Variants in NIPBL observed in about 807,000 individuals in gnomAD.
The protein encoded by NIPBL is NIPBL cohesin loading factor, also known as nipped-B-like protein.
A neutral mutation model predicts 321.8 loss-of-function variants in NIPBL; 19 were observed. That is an observed-to-expected ratio of 0.06 (90% CI 0.04 to 0.09). The LOEUF (loss-of-function observed/expected upper bound fraction) is 0.09, where lower values mean the gene tolerates loss of function less well. Among genes scored for constraint, NIPBL ranks in the 10% least tolerant of loss-of-function variants. The pLI, the probability that NIPBL is intolerant of heterozygous loss-of-function variation, is 1.00. For synonymous variants in NIPBL, 1,106 were observed against 1,114.1 expected (o/e 0.99, Z 0.14); for missense variants, 2,210 against 3,327.0 (o/e 0.66, Z 8.26).
chr5:37,046,541 T>C (rs1198457631), intron 38 of NIPBL, among the ~76,000 whole-genome samples: 2 of 152,248 alleles, frequency 1.3e-5, no homozygotes, highest in African/African-American at 2.4e-5. Flanking sequence ...AATTCTGTGC[T>C]CTTTGCATTT....
At chr5:36,934,369 C>G (rs1750001386) in intron 1 of NIPBL, among the ~76,000 whole-genome samples, 1 of 151,844 alleles carries the variant, frequency 6.6e-6, no homozygotes, top group African/African-American at 2.4e-5. Context: ...GCATCTAATA[C>G]AGAAATTCAT....
At position 36,954,532 on chromosome 5, in the gene NIPBL, A is replaced by G. The variant is rs1205280163; in HGVS notation, c.64+772A>G. ...AAGAAAACTTTTTGAAACTGGCATT[A>G]GTTTTTATTATCACTTTGTTGTAGG... is the stretch of plus-strand genomic sequence containing the variant. On this transcript the variant is annotated intron_variant, in intron 2 of 46. Coordinates refer to ENST00000282516, the MANE Select transcript of NIPBL (RefSeq NM_133433.4). 2.0e-5 allele frequency among the ~76,000 whole-genome samples: 3 copies of G among 152,160 alleles called. No individual in the cohort carries two copies. The East Asian group carries it at 5.8e-4, about 29-fold the overall frequency.
At chr5:36,995,573 TTTATC>T (rs764622193) in intron 10 of NIPBL, 44 bp from the exon 11 acceptor site, 1 of 1,417,250 alleles carries the variant, frequency 7.1e-7, no homozygotes, top group Admixed American at 1.8e-5. Flanking sequence ...AAATTTTCCT[TTTATC>T]TTCAGATTTA....
At chr5:36,994,718 T>G (rs1745935684) in intron 10 of NIPBL, among the ~76,000 whole-genome samples, 1 of 152,300 alleles carries the variant, frequency 6.6e-6, no homozygotes, top group East Asian at 1.9e-4. Flanking sequence ...ATTATCCGAA[T>G]AAGTAGCTTT....
At chr5:36,904,018 T>C (rs571691144) in intron 1 of NIPBL, among the ~76,000 whole-genome samples, 1 of 152,222 alleles carries the variant, frequency 6.6e-6, no homozygotes, top group Non-Finnish European at 1.5e-5. Flanking sequence ...TAAGCCAGAA[T>C]TATATGTGCT....
intron 5 of NIPBL, 27 bp from the exon 6 acceptor site, chr5:36,962,095 AT>A: frequency 1.2e-6 from 2 of 1,613,240 alleles, no homozygotes; most frequent in Non-Finnish European, 8.5e-7. Flanking sequence ...ATTTCCTTAT[AT>A]TTTTTTATTT....
chr5:37,020,780 A>G lies in NIPBL; in HGVS notation c.5231A>G (p.Asn1744Ser). The G allele has an allele frequency of 6.2e-7, 1 of 1,613,794 alleles. No homozygotes were observed. The highest frequency in any genetic ancestry group is 8.5e-7 in the Non-Finnish European group (1 of 1,179,726). Reference sequence around the variant, plus strand: ...TTAATGACTTTTTGTTGCAGGATGAACTCTGATACTGTGGACTATGATGAT... The same window carrying G: ...TTAATGACTTTTTGTTGCAGGATGAGCTCTGATACTGTGGACTATGATGAT... ...TPSQFSTLKM[N>S]SDTVDYDDAC... The change falls in exon 27 of 47, where the codon AAC becomes AGC. Residue 1744 changes from asparagine (N) to serine (S), a missense_variant. Physicochemically the swap from Asn to Ser is conservative, Grantham distance 46 (BLOSUM62 1). Around this residue, in one of 14 missense-constraint regions of NIPBL, gnomAD observed 138 missense variants for 175.8 expected, o/e 0.79. Coordinates refer to ENST00000282516, the MANE Select transcript of NIPBL (RefSeq NM_133433.4).
At chr5:36,934,977 GTT>G (rs1750050966) in intron 1 of NIPBL, among the ~76,000 whole-genome samples, 1 of 152,072 alleles carries the variant, frequency 6.6e-6, no homozygotes, top group Non-Finnish European at 1.5e-5. Context: ...TTGCAATACT[GTT>G]TCTCTTCTCT....
At chr5:36,952,018 CTGTGTGTGTGTGTG>C (rs60067315) in intron 1 of NIPBL, among the ~76,000 whole-genome samples, 4 of 101,936 alleles carry the variant, frequency 3.9e-5, no homozygotes, top group East Asian at 7.7e-4. Context: ...CTCTGTTAAA[CTGTGTGTGTGTGTG>C]TGTGTGTGTG....
At chr5:36,890,647 A>G (rs1746254292) in intron 1 of NIPBL, among the ~76,000 whole-genome samples, 1 of 152,244 alleles carries the variant, frequency 6.6e-6, no homozygotes, top group South Asian at 2.1e-4. Flanking sequence ...GCCAAGTGGC[A>G]TTTAGGCCAA....
intron 44 of NIPBL, 99 bp downstream of exon 44, chr5:37,059,264 T>C: frequency 7.4e-7 from 1 of 1,355,098 alleles, no homozygotes; most frequent in Non-Finnish European, 1.0e-6. Flanking sequence ...CCCAACATTT[T>C]GGGAGGCTGA....
intron 24 of NIPBL, among the ~76,000 whole-genome samples, chr5:37,018,307 T>TTAAC (rs1364824971): frequency 6.6e-6 from 1 of 152,222 alleles, no homozygotes; most frequent in African/African-American, 2.4e-5. Context: ...TAATACAATA[T>TTAAC]TAACATCTGA....
chr5:37,041,478 T>G (rs1314894380), intron 34 of NIPBL, among the ~76,000 whole-genome samples: 2 of 151,948 alleles, frequency 1.3e-5, no homozygotes, highest in African/African-American at 4.8e-5. Context: ...TTGGCCAGAC[T>G]GGTCTTGAAC....
intron 45 of NIPBL, among the ~76,000 whole-genome samples, chr5:37,061,967 G>A (rs1343163773): frequency 6.6e-6 from 1 of 152,058 alleles, no homozygotes; most frequent in African/African-American, 2.4e-5. Flanking sequence ...TCAGCCTCCC[G>A]CATAGCTGGG....
intron 32 of NIPBL, among the ~76,000 whole-genome samples, chr5:37,033,705 CATATATAT>C (rs1270053859): frequency 1.2e-5 from 1 of 80,266 alleles, no homozygotes; most frequent in Non-Finnish European, 2.3e-5. Flanking sequence ...CACACACACA[CATATATAT>C]ATATATATAT....
Position 36,995,625 on chromosome 5 carries a change from G to C in NIPBL, c.3125G>C (p.Ser1042Thr), listed in dbSNP as rs1419814060. 2 of 1,606,726 alleles carry C rather than the reference G, an allele frequency of 1.2e-6. No homozygotes were observed. Among genetic ancestry groups the C allele is most frequent in the Non-Finnish European group, 1.7e-6 (2 of 1,173,820 alleles). ...TAAATTTACCTTTCATTAATAGGTAGTATAGATCAATCAGTGTTAAAAGAA... is the reference window on the plus strand; with the variant it reads ...TAAATTTACCTTTCATTAATAGGTACTATAGATCAATCAGTGTTAAAAGAA... ...KNKPSKSNKG[S>T]IDQSVLKELP... Residue 1042 changes from serine to threonine, a missense_variant, in exon 11 of 47, where the codon AGT becomes ACT. Physicochemically the swap from Ser to Thr is moderately conservative, Grantham distance 58. Around this residue, in one of 14 missense-constraint regions of NIPBL, gnomAD observed 381 missense variants for 642.3 expected, o/e 0.59. Coordinates refer to ENST00000282516, the MANE Select transcript of NIPBL (RefSeq NM_133433.4).
At chr5:36,938,350 GACC>G (rs1738684514) in intron 1 of NIPBL, among the ~76,000 whole-genome samples, 1 of 151,566 alleles carries the variant, frequency 6.6e-6, no homozygotes, top group Non-Finnish European at 1.5e-5. Context: ...ACACACCCCC[GACC>G]ACCACCACCA....
At chr5:36,955,948 G>A (rs184353503) in intron 3 of NIPBL, among the ~76,000 whole-genome samples, 29 of 151,910 alleles carry the variant, frequency 1.9e-4, no homozygotes, top group African/African-American at 4.6e-4. Flanking sequence ...CTGTCTGGGC[G>A]CGGTGGCTTA....
intron 30 of NIPBL, 142 bp from the exon 31 acceptor site, chr5:37,026,087 A>G: frequency 1.6e-6 from 1 of 610,876 alleles, no homozygotes. Context: ...GAAAAAACTG[A>G]GGAAATTAAT....
Sources: allele counts gnomAD v4.1 joint callset (sites outside exome capture counted in the v4.1 genomes callset), GRCh38; gene constraint gnomAD v4.1.1; regional missense constraint gnomAD v4.1.1; transcripts MANE v1.5; gene names NCBI Gene and HGNC (gene_info 2026-07-23, HGNC 2026-07-21).